Variants in MLPH observed in about 807,000 individuals in gnomAD.
The protein encoded by MLPH is exophilin-3.
In MLPH, 51 loss-of-function variants were observed where a neutral mutation model predicts 72.1. The ratio of observed to expected loss-of-function variants is 0.71; its 90% CI spans 0.56 to 0.89. The LOEUF (loss-of-function observed/expected upper bound fraction) is 0.89, where lower values mean the gene tolerates loss of function less well. MLPH is among the 40% of genes least tolerant of loss of function. The pLI, the probability that MLPH is intolerant of heterozygous loss-of-function variation, is 0.00. For synonymous variants in MLPH, 301 were observed against 310.1 expected (o/e 0.97, Z 0.31); for missense variants, 743 against 759.9 (o/e 0.98, Z 0.26).
chr2:237,501,349 C>G (rs911041969), intron 2 of MLPH, among the ~76,000 whole-genome samples: 1 of 152,150 alleles, frequency 6.6e-6, no homozygotes, highest in Non-Finnish European at 1.5e-5. Context: ...TGGCCCCATG[C>G]ACAAGTGAGA....
intron 6 of MLPH, among the ~76,000 whole-genome samples, chr2:237,521,448 A>C (rs1275778720): frequency 5.3e-5 from 8 of 152,136 alleles, no homozygotes; most frequent in Admixed American, 5.2e-4. Context: ...CATTGATGTT[A>C]TGGATGATGG....
At chr2:237,540,758 A>C (rs1288035666) in intron 10 of MLPH, 44 bp from the exon 11 acceptor site, 1 of 1,607,140 alleles carries the variant, frequency 6.2e-7, no homozygotes, top group East Asian at 2.2e-5. Context: ...GAAACCCCAC[A>C]CTCCCTCCTG....
At chr2:237,533,829 T>C (rs1002897400) in intron 8 of MLPH, among the ~76,000 whole-genome samples, 2 of 152,272 alleles carry the variant, frequency 1.3e-5, no homozygotes, top group Admixed American at 6.5e-5. Flanking sequence ...AGTCATGTTC[T>C]TCGGGCAGAT....
chr2:237,525,487 T>C, intron 6 of MLPH, 114 bp from the exon 7 acceptor site: 1 of 1,005,634 alleles, frequency 9.9e-7, no homozygotes. Context: ...TGCCTAGTGC[T>C]GGGTCAGTCA....
chr2:237,490,539 A>T (rs2079409484), intron 1 of MLPH, among the ~76,000 whole-genome samples: 1 of 152,146 alleles, frequency 6.6e-6, no homozygotes, highest in African/African-American at 2.4e-5. Context: ...ACACATCATG[A>T]TTTAAGTTTC....
intron 4 of MLPH, among the ~76,000 whole-genome samples, chr2:237,517,483 A>C (rs1310777217): frequency 2.7e-5 from 4 of 149,366 alleles, no homozygotes; most frequent in Non-Finnish European, 5.9e-5. Context: ...AGATAAGTGG[A>C]TGGGTGGATA....
intron 2 of MLPH, among the ~76,000 whole-genome samples, chr2:237,494,112 G>T (rs1574829987): frequency 6.6e-6 from 1 of 152,132 alleles, no homozygotes; most frequent in Admixed American, 6.5e-5. Flanking sequence ...AGTAGATTGG[G>T]TCACCCTATG....
At chr2:237,495,635 A>G (rs907785477) in intron 2 of MLPH, among the ~76,000 whole-genome samples, 9 of 152,246 alleles carry the variant, frequency 5.9e-5, no homozygotes, top group Admixed American at 4.6e-4. Flanking sequence ...GTTGGTGGGG[A>G]GGGGCCGGCG....
At chr2:237,552,001 A>G in intron 14 of MLPH, 1 of 207,926 alleles carries the variant, frequency 4.8e-6, no homozygotes, top group Non-Finnish European at 9.6e-6. Context: ...AGAAAGAACA[A>G]AAAAGAAAAG....
chr2:237,538,861 G>T (rs1197083113), intron 9 of MLPH, among the ~76,000 whole-genome samples: 1 of 152,372 alleles, frequency 6.6e-6, no homozygotes, highest in East Asian at 1.9e-4. Flanking sequence ...AAGGTCCCTG[G>T]GGTGAGGGTG....
intron 4 of MLPH, among the ~76,000 whole-genome samples, chr2:237,513,706 C>A (rs539106941): frequency 9.2e-4 from 140 of 152,158 alleles, no homozygotes; most frequent in Non-Finnish European, 1.8e-3. Context: ...TTGTGGGGGC[C>A]GGGGACATCA....
Position 237,505,942 on chromosome 2 carries a change from G to A in MLPH, c.111-4632G>A, listed in dbSNP as rs1325242412. Among the ~76,000 whole-genome samples the A allele has an allele frequency of 6.6e-6, 1 of 152,150 alleles. No individual in the cohort carries two copies. The highest frequency in any genetic ancestry group is 1.5e-5 in the Non-Finnish European group (1 of 68,028). ...GACAGCACTTCCCTTCCACCCCCAT[G>A]CATCCCCGTCTCCAGGGCTCTGTCT... On this transcript the variant is annotated intron_variant, in intron 2 of 15. Transcript: ENST00000264605. This position sits in a 1 kb window ranked among gnomAD's most constrained non-coding sequence, Gnocchi z 4.5.
intron 8 of MLPH, among the ~76,000 whole-genome samples, chr2:237,530,704 A>T (rs905010104): frequency 1.3e-5 from 2 of 152,188 alleles, no homozygotes; most frequent in African/African-American, 4.8e-5. Flanking sequence ...TGGCCGCGTC[A>T]CCCATTGGGG....
At chr2:237,518,501 T>G in intron 4 of MLPH, 38 bp from the exon 5 acceptor site, 4 of 1,551,516 alleles carry the variant, frequency 2.6e-6, no homozygotes, top group Non-Finnish European at 3.5e-6. Flanking sequence ...TCCCAGACTG[T>G]TTGTCCTTGG....
upstream of MLPH, chr2:237,486,598 C>G (rs2079323133): frequency 6.6e-6 from 1 of 152,232 alleles, no homozygotes; most frequent in Non-Finnish European, 1.5e-5. Flanking sequence ...CCGCGCCGCG[C>G]GTCCTGGCTT....
At chr2:237,524,763 G>GCCAGGCCCAGGCCCAGGC (rs144000832) in intron 6 of MLPH, among the ~76,000 whole-genome samples, 2 of 152,030 alleles carry the variant, frequency 1.3e-5, no homozygotes, top group African/African-American at 4.8e-5. Flanking sequence ...TGGGCACAGA[G>GCCAGGCCCAGGCCCAGGC]CCAGGCCCAG....
At chr2:237,531,868 G>A (rs1187220298) in intron 8 of MLPH, among the ~76,000 whole-genome samples, 1 of 152,000 alleles carries the variant, frequency 6.6e-6, no homozygotes, top group Non-Finnish European at 1.5e-5. Flanking sequence ...GACCTGGGGG[G>A]CCCTTATCTC....
intron 2 of MLPH, among the ~76,000 whole-genome samples, chr2:237,503,908 G>T (rs1328770481): frequency 1.3e-5 from 2 of 152,126 alleles, no homozygotes; most frequent in African/African-American, 4.8e-5. Flanking sequence ...TGCATTTTAG[G>T]CTGCCCACCT....
chr2:237,539,591 G>A (rs1471536160), intron 9 of MLPH, among the ~76,000 whole-genome samples: 2 of 152,190 alleles, frequency 1.3e-5, no homozygotes, highest in Admixed American at 6.5e-5. Context: ...AAAGGCCAGC[G>A]TCCACAACAG....
Sources: allele counts gnomAD v4.1 joint callset (sites outside exome capture counted in the v4.1 genomes callset), GRCh38; gene constraint gnomAD v4.1.1; non-coding constraint Gnocchi (gnomAD v3.1); transcripts MANE v1.5; gene names NCBI Gene and HGNC (gene_info 2026-07-23, HGNC 2026-07-21).